The following VMP1 variants were observed in gnomAD, a reference collection of about 807,000 sequenced individuals.
VMP1 encodes vacuole membrane protein 1.
Under a neutral mutation model 56.0 loss-of-function variants are expected in VMP1, and 11 were observed. The ratio of observed to expected loss-of-function variants is 0.20; its 90% CI spans 0.12 to 0.32. The LOEUF is 0.32. VMP1 is among the 10% of genes least tolerant of loss of function. The pLI is 1.00. For synonymous variants in VMP1, 149 were observed against 165.0 expected (o/e 0.90, Z 0.74); for missense variants, 296 against 490.3 (o/e 0.60, Z 3.74).
At position 59,738,923 on chromosome 17, in the gene VMP1, G is replaced by A; in HGVS notation, c.390G>A (p.Gly130=). The A allele has an allele frequency of 1.2e-6, 2 of 1,608,336 alleles. No individual in the cohort carries two copies. The highest frequency in any genetic ancestry group is 1.7e-6 in the Non-Finnish European group (2 of 1,178,252). Residue 130 remains glycine (G), a synonymous_variant, in exon 5 of 12, where the codon GGG becomes GGA. Transcript: ENST00000262291. ...TGTCTTCTGTTGGGCTTGGAACAGGGCTGCACACCTTTCTGCTTTATCTGG... is the reference window on the plus strand; with the variant it reads ...TGTCTTCTGTTGGGCTTGGAACAGGACTGCACACCTTTCTGCTTTATCTGG... The part of the protein sequence containing the change: ...GILSSVGLGT[G]LHTFLLYLGP...
At chr17:59,836,121 T>G (rs1212021199) in intron 10 of VMP1, among the ~76,000 whole-genome samples, 3 of 151,408 alleles carry the variant, frequency 2.0e-5, no homozygotes, top group Non-Finnish European at 4.4e-5. Context: ...GGTCTTCTAG[T>G]CTGATCAGTG....
chr17:59,804,287 A>G (rs1568179097), intron 7 of VMP1, among the ~76,000 whole-genome samples: 2 of 152,158 alleles, frequency 1.3e-5, no homozygotes, highest in African/African-American at 2.4e-5. Flanking sequence ...TTAAAACTAT[A>G]TAACTAAGTT....
At chr17:59,727,255 C>T (rs532212129) in intron 1 of VMP1, among the ~76,000 whole-genome samples, 2 of 152,166 alleles carry the variant, frequency 1.3e-5, no homozygotes, top group South Asian at 4.1e-4. Flanking sequence ...CTGCCTCAGC[C>T]TCCAGAGTAG....
intron 10 of VMP1, among the ~76,000 whole-genome samples, chr17:59,825,066 T>C (rs1041803739): frequency 2.7e-5 from 4 of 146,574 alleles, no homozygotes; most frequent in Non-Finnish European, 4.5e-5. Context: ...AAAGGCATTA[T>C]GTTAGTTGTG....
At chr17:59,796,607 C>T (rs982730448) in intron 7 of VMP1, among the ~76,000 whole-genome samples, 15 of 152,120 alleles carry the variant, frequency 9.9e-5, no homozygotes, top group African/African-American at 2.9e-4. Context: ...GCAATTATCT[C>T]TGTTTTCCTA....
chr17:59,776,586 TG>T (rs1162998282), intron 7 of VMP1, among the ~76,000 whole-genome samples: 3 of 152,214 alleles, frequency 2.0e-5, no homozygotes, highest in Non-Finnish European at 2.9e-5. Flanking sequence ...TAGATTTAGT[TG>T]TTACTTCCCA....
In VMP1 at chr17:59,762,930, A is replaced by G. The variant is rs140107992; in HGVS notation, c.415-2041A>G. 6.4e-4 allele frequency among the ~76,000 whole-genome samples: 98 copies of G among 152,252 alleles called. No individual in the cohort carries two copies. In the East Asian group the frequency reaches 0.018, roughly 28 times the overall value. On this transcript the variant is annotated intron_variant, in intron 5 of 11. Coordinates refer to ENST00000262291, the MANE Select transcript of VMP1 (RefSeq NM_030938.5). ...ATGCAAATATAGCTTTTTCTTTCCT[A>G]TCTATCCCAGAAATCTCATTATTTT...
chr17:59,787,191 A>G (rs922585883), intron 7 of VMP1, among the ~76,000 whole-genome samples: 6 of 152,200 alleles, frequency 3.9e-5, no homozygotes, highest in Non-Finnish European at 8.8e-5. Flanking sequence ...ACTTAGAGTA[A>G]TTCTGGAGTT....
At chr17:59,735,251 A>G (rs2034974614) in intron 2 of VMP1, 87 bp from the exon 3 acceptor site, 2 of 1,508,358 alleles carry the variant, frequency 1.3e-6, no homozygotes, top group Non-Finnish European at 1.8e-6. Context: ...TATTTGGGAG[A>G]TAAAACTCTT....
intron 10 of VMP1, among the ~76,000 whole-genome samples, chr17:59,824,479 A>T (rs1372619624): frequency 6.6e-6 from 1 of 151,218 alleles, no homozygotes; most frequent in Non-Finnish European, 1.5e-5. Context: ...AGGCTGAGAC[A>T]GGAGAATCAC....
chr17:59,802,651 C>T (rs777073798), intron 7 of VMP1, among the ~76,000 whole-genome samples: 14 of 151,606 alleles, frequency 9.2e-5, no homozygotes, highest in Non-Finnish European at 1.2e-4. Context: ...CTGCAACCTC[C>T]GCCTCCCGGG....
intron 7 of VMP1, among the ~76,000 whole-genome samples, chr17:59,803,679 T>G (rs1045646161): frequency 2.0e-5 from 3 of 152,168 alleles, no homozygotes; most frequent in Non-Finnish European, 4.4e-5. Context: ...TTTGAAAAAG[T>G]GAAAAATGAC....
chr17:59,758,454 A>G (rs2035927242), intron 5 of VMP1, among the ~76,000 whole-genome samples: 1 of 151,908 alleles, frequency 6.6e-6, no homozygotes, highest in African/African-American at 2.4e-5. Flanking sequence ...TGGGAGGCCA[A>G]GGCAGGAGGA....
intron 7 of VMP1, among the ~76,000 whole-genome samples, chr17:59,798,608 C>T (rs575259376): frequency 6.6e-6 from 1 of 152,304 alleles, no homozygotes; most frequent in East Asian, 1.9e-4. Flanking sequence ...GATGTAAGGC[C>T]GGGCACGGTG....
intron 7 of VMP1, among the ~76,000 whole-genome samples, chr17:59,783,845 T>C (rs2036911065): frequency 6.6e-6 from 1 of 152,150 alleles, no homozygotes; most frequent in African/African-American, 2.4e-5. Context: ...TAGTTTTTTA[T>C]CCCAATCTTT....
At chr17:59,824,896 T>TAAAA (rs2038591040) in intron 10 of VMP1, among the ~76,000 whole-genome samples, 1 of 114,772 alleles carries the variant, frequency 8.7e-6, no homozygotes. Flanking sequence ...AAAAAAAAAT[T>TAAAA]GGCTAGGCAT....
At chr17:59,744,903 G>A (rs982544172) in intron 5 of VMP1, among the ~76,000 whole-genome samples, 1 of 152,034 alleles carries the variant, frequency 6.6e-6, no homozygotes, top group Non-Finnish European at 1.5e-5. Flanking sequence ...TTGCAGAAAA[G>A]CAAAAGGAAA....
chr17:59,730,920 G>A (rs2034799717), intron 1 of VMP1, among the ~76,000 whole-genome samples: 1 of 151,212 alleles, frequency 6.6e-6, no homozygotes. Context: ...TTAGATTTAT[G>A]TATCAACAGT....
chr17:59,833,109 C>T (rs978860787), intron 10 of VMP1, among the ~76,000 whole-genome samples: 5 of 151,970 alleles, frequency 3.3e-5, no homozygotes. Context: ...ATTATTACTC[C>T]CACCGTGTGT....
Sources: allele counts gnomAD v4.1 joint callset (sites outside exome capture counted in the v4.1 genomes callset), GRCh38; gene constraint gnomAD v4.1.1; transcripts MANE v1.5; gene names NCBI Gene and HGNC (gene_info 2026-07-23, HGNC 2026-07-21).